COBLL1: variants seen among roughly 807,000 people sequenced by gnomAD.
COBLL1 encodes the protein cordon-bleu WH2 repeat protein like 1.
Under a neutral mutation model 94.8 loss-of-function variants are expected in COBLL1, and 50 were observed. The observed-to-expected ratio is 0.53, with a 90% CI of 0.42 to 0.67. COBLL1 has a LOEUF of 0.67. COBLL1 is among the 30% of genes least tolerant of loss of function. The probability of loss-of-function intolerance (pLI) is 0.00; values close to 1 mark genes in which losing one functional copy is unlikely to be tolerated. For missense variants in COBLL1, 1,362 were observed against 1,348.7 expected (o/e 1.01, Z -0.15); for synonymous variants, 448 against 473.8 (o/e 0.95, Z 0.71).
chr2:164,758,785 CT>C (rs1045975250), intron 2 of COBLL1, among the ~76,000 whole-genome samples: 1 of 151,686 alleles, frequency 6.6e-6, no homozygotes, highest in Non-Finnish European at 1.5e-5. Flanking sequence ...TATATTTCTA[CT>C]TTAAAAAGGT....
chr2:164,814,753 C>G (rs547980983), intron 2 of COBLL1, among the ~76,000 whole-genome samples: 207 of 152,222 alleles, frequency 1.4e-3, no homozygotes, highest in African/African-American at 4.8e-3. Flanking sequence ...ATACAAAATA[C>G]CTCAATTCAG....
At chr2:164,740,594 C>A (rs1376889168) in intron 3 of COBLL1, among the ~76,000 whole-genome samples, 1 of 152,140 alleles carries the variant, frequency 6.6e-6, no homozygotes. Flanking sequence ...TTTAGGAAGA[C>A]AATATTCATT....
intron 2 of COBLL1, among the ~76,000 whole-genome samples, chr2:164,805,148 G>A (rs1684026147): frequency 6.6e-6 from 1 of 150,376 alleles, no homozygotes; most frequent in Admixed American, 6.7e-5. Flanking sequence ...ACAAAAAATT[G>A]ATCAAAAAGT....
chr2:164,746,122 A>C (rs1686846835), intron 2 of COBLL1, among the ~76,000 whole-genome samples: 1 of 152,166 alleles, frequency 6.6e-6, no homozygotes, highest in Admixed American at 6.5e-5. Context: ...TTGTTCTCAT[A>C]AACATACATC....
intron 5 of COBLL1, among the ~76,000 whole-genome samples, chr2:164,726,514 A>G (rs965443185): frequency 6.6e-6 from 1 of 152,164 alleles, no homozygotes; most frequent in Non-Finnish European, 1.5e-5. Context: ...AAAATAAATA[A>G]TAAAAAAATC....
chr2:164,779,902 T>C (rs751583237), intron 2 of COBLL1: 22 of 286,382 alleles, frequency 7.7e-5, no homozygotes, highest in Non-Finnish European at 1.3e-4. Flanking sequence ...TCTATGGGAA[T>C]GTTCTCATAT....
chr2:164,835,748 G>A (rs1383425989), intron 2 of COBLL1, among the ~76,000 whole-genome samples: 1 of 152,138 alleles, frequency 6.6e-6, no homozygotes, highest in East Asian at 1.9e-4. Context: ...CCATAAGTTA[G>A]GCTGTTGCAT....
intron 7 of COBLL1, among the ~76,000 whole-genome samples, chr2:164,721,190 C>T (rs1685424996): frequency 6.6e-6 from 1 of 151,972 alleles, no homozygotes; most frequent in Admixed American, 6.6e-5. Flanking sequence ...TACTAAGCCC[C>T]CAAGGGGGAA....
intron 5 of COBLL1, among the ~76,000 whole-genome samples, chr2:164,727,716 T>C (rs1384779411): frequency 4.6e-5 from 7 of 151,044 alleles, no homozygotes; most frequent in Non-Finnish European, 8.9e-5. Context: ...AGAAAAAATA[T>C]AAATTGTGGA....
chr2:164,787,787 T>A (rs1682942931), intron 2 of COBLL1, among the ~76,000 whole-genome samples: 1 of 152,148 alleles, frequency 6.6e-6, no homozygotes, highest in South Asian at 2.1e-4. Flanking sequence ...ACATCCCAAC[T>A]TGTATTTACT....
rs1008740236 is a variant in COBLL1 at position 164,698,089 on chromosome 2, C to T, written c.1555+1316G>A. On this transcript the variant is annotated intron_variant, in intron 11 of 13. Transcript: ENST00000652658. ...AAACCATATGCAAATCAAAGTACTACGTAAATGTACTTGTGACTCTGGCAC... is the reference window on the plus strand; with the variant it reads ...AAACCATATGCAAATCAAAGTACTATGTAAATGTACTTGTGACTCTGGCAC... The T allele has an allele frequency of 3.3e-5, 5 of 151,956 alleles. No individual in the cohort carries two copies. The South Asian group carries it at 6.2e-4, about 19-fold the overall frequency. 9.4% of individuals were successfully genotyped at this position (151,956 alleles called of 1,614,324 possible). A position where few individuals can be genotyped will look rare whatever the true frequency, so the allele number is the denominator to read the frequency against.
intron 2 of COBLL1, among the ~76,000 whole-genome samples, chr2:164,813,987 C>T (rs897544022): frequency 2.0e-5 from 3 of 152,158 alleles, no homozygotes; most frequent in Admixed American, 1.3e-4. Flanking sequence ...GAAAACGGCA[C>T]ATCCTTCATT....
At chr2:164,759,884 C>G (rs1228504751) in intron 2 of COBLL1, among the ~76,000 whole-genome samples, 1 of 152,156 alleles carries the variant, frequency 6.6e-6, no homozygotes, top group South Asian at 2.1e-4. Context: ...TTTTAAAATA[C>G]TGGTAATACC....
chr2:164,828,824 T>C (rs1345851870), intron 2 of COBLL1, among the ~76,000 whole-genome samples: 2 of 152,234 alleles, frequency 1.3e-5, no homozygotes, highest in Non-Finnish European at 2.9e-5. Flanking sequence ...ATGTGTCATG[T>C]AATATGTTAC....
At chr2:164,734,795 C>G (rs1316257725) in intron 3 of COBLL1, among the ~76,000 whole-genome samples, 1 of 152,124 alleles carries the variant, frequency 6.6e-6, no homozygotes, top group Non-Finnish European at 1.5e-5. Context: ...ATGCAAATTT[C>G]AATGGTTTGC....
intron 7 of COBLL1, among the ~76,000 whole-genome samples, chr2:164,715,943 CA>C (rs1488172450): frequency 1.3e-5 from 2 of 152,108 alleles, no homozygotes; most frequent in African/African-American, 4.8e-5. Flanking sequence ...GCAGTCACAC[CA>C]AATGTGCCAA....
intron 2 of COBLL1, among the ~76,000 whole-genome samples, chr2:164,777,640 T>C (rs1046893118): frequency 2.6e-5 from 4 of 152,168 alleles, no homozygotes; most frequent in African/African-American, 7.2e-5. Flanking sequence ...ATGACATCCA[T>C]GAATAGTAAG....
At chr2:164,747,033 C>CCT (rs1686893625) in intron 2 of COBLL1, among the ~76,000 whole-genome samples, 1 of 152,112 alleles carries the variant, frequency 6.6e-6, no homozygotes, top group Non-Finnish European at 1.5e-5. Flanking sequence ...TGGGACCATG[C>CCT]CTGCCATGTA....
chr2:164,736,452 G>A (rs1057174074), intron 3 of COBLL1, among the ~76,000 whole-genome samples: 4 of 152,008 alleles, frequency 2.6e-5, no homozygotes, highest in African/African-American at 9.7e-5. Context: ...AATAGTAATA[G>A]GTCAGATTAC....
Sources: gnomAD v4.1 joint callset for allele counts (sites outside exome capture counted in the v4.1 genomes callset) on GRCh38, gnomAD v4.1.1 for gene constraint, MANE v1.5 for transcripts, NCBI Gene and HGNC (gene_info 2026-07-23, HGNC 2026-07-21) for gene names.